The following CNTNAP2 variants were observed in gnomAD, a reference collection of about 807,000 sequenced individuals.
CNTNAP2 encodes the protein contactin-associated protein-like 2.
A neutral mutation model predicts 155.2 loss-of-function variants in CNTNAP2; 98 were observed. That is an observed-to-expected ratio of 0.63 (90% CI 0.54 to 0.75). CNTNAP2 has a LOEUF of 0.75. Ranked by LOEUF, CNTNAP2 falls within the 30% of genes least tolerant of loss-of-function variation. CNTNAP2 has a pLI of 0.00. For missense variants in CNTNAP2, 1,727 were observed against 1,688.1 expected (o/e 1.02, Z -0.40); for synonymous variants, 651 against 631.2 (o/e 1.03, Z -0.47).
chr7:147,025,267 C>G (rs1015183254), intron 3 of CNTNAP2, among the ~76,000 whole-genome samples: 2 of 123,218 alleles, frequency 1.6e-5, no homozygotes, highest in Non-Finnish European at 3.3e-5. Flanking sequence ...GCCCTGGAAA[C>G]AGAGTCAGAC....
intron 21 of CNTNAP2, among the ~76,000 whole-genome samples, chr7:148,368,914 C>G (rs1250247438): frequency 6.6e-6 from 1 of 152,112 alleles, no homozygotes; most frequent in African/African-American, 2.4e-5. Flanking sequence ...ATTTTAACTA[C>G]CAGGCTTAGG....
intron 12 of CNTNAP2, among the ~76,000 whole-genome samples, chr7:147,636,086 G>C (rs1267019577): frequency 2.0e-5 from 3 of 152,184 alleles, no homozygotes; most frequent in Non-Finnish European, 4.4e-5. Flanking sequence ...GAAAGTGACA[G>C]AATTACTAAA....
In CNTNAP2 at chr7:146,392,317, T is replaced by C. The variant is rs139284596; in HGVS notation, c.97+275344T>C. On this transcript the variant is annotated intron_variant, in intron 1 of 23. Coordinates refer to ENST00000361727, the MANE Select transcript of CNTNAP2 (RefSeq NM_014141.6). The stretch of plus-strand genomic sequence containing the variant: ...ATCTTCATAATGATCAATGATGTAA[T>C]ATCATTGAGAAGTATCAGAAAGTAG... 7.8e-3 allele frequency among the ~76,000 whole-genome samples: 1,187 copies of C among 152,208 alleles called. 15 individuals are homozygous for C. The highest frequency in any genetic ancestry group is 0.027 in the African/African-American group (1,103 of 41,520).
At chr7:146,516,005 T>C (rs570865653) in intron 1 of CNTNAP2, among the ~76,000 whole-genome samples, 11 of 152,216 alleles carry the variant, frequency 7.2e-5, no homozygotes, top group Non-Finnish European at 1.3e-4. Context: ...TGAATCACCT[T>C]CTACGATAGC....
chr7:148,042,592 C>T (rs908603791), intron 15 of CNTNAP2, among the ~76,000 whole-genome samples: 4 of 152,178 alleles, frequency 2.6e-5, no homozygotes, highest in African/African-American at 9.7e-5. Flanking sequence ...TTTTTCCTCT[C>T]TGTTTTGTTC....
intron 3 of CNTNAP2, among the ~76,000 whole-genome samples, chr7:146,863,216 A>G (rs1795139351): frequency 6.6e-6 from 1 of 152,200 alleles, no homozygotes. Context: ...AATAGTAGGC[A>G]TTTATGACTG....
intron 1 of CNTNAP2, among the ~76,000 whole-genome samples, chr7:146,734,537 G>A (rs1801579072): frequency 6.6e-6 from 1 of 152,146 alleles, no homozygotes; most frequent in East Asian, 1.9e-4. Flanking sequence ...ACTGACTGTA[G>A]GTGTCACACA....
At chr7:146,234,816 A>T (rs1404635314) in intron 1 of CNTNAP2, among the ~76,000 whole-genome samples, 1 of 152,256 alleles carries the variant, frequency 6.6e-6, no homozygotes. Context: ...AAACTTTACC[A>T]GGTAGCACTG....
At chr7:146,298,664 G>A (rs150508299) in intron 1 of CNTNAP2, among the ~76,000 whole-genome samples, 1 of 152,154 alleles carries the variant, frequency 6.6e-6, no homozygotes, top group Admixed American at 6.5e-5. Context: ...GCCTCTGAAC[G>A]TTCGATCCAC....
At chr7:146,587,001 A>T (rs1406831086) in intron 1 of CNTNAP2, among the ~76,000 whole-genome samples, 2 of 151,756 alleles carry the variant, frequency 1.3e-5, no homozygotes, top group African/African-American at 4.8e-5. Flanking sequence ...CTTATTAAAT[A>T]TTATGGTACC....
At chr7:146,656,298 A>G (rs1216531553) in intron 1 of CNTNAP2, among the ~76,000 whole-genome samples, 1 of 152,220 alleles carries the variant, frequency 6.6e-6, no homozygotes, top group Admixed American at 6.5e-5. Context: ...GAACTAAGTA[A>G]AACTGTCTCT....
intron 8 of CNTNAP2, among the ~76,000 whole-genome samples, chr7:147,268,212 A>G (rs189453743): frequency 2.6e-5 from 4 of 152,340 alleles, no homozygotes; most frequent in Non-Finnish European, 5.9e-5. Context: ...CTAAAAATTT[A>G]AATGTATGTA....
chr7:146,906,850 C>G (rs1241164722), intron 3 of CNTNAP2, among the ~76,000 whole-genome samples: 1 of 149,926 alleles, frequency 6.7e-6, no homozygotes, highest in African/African-American at 2.4e-5. Flanking sequence ...GATCAAATTA[C>G]TCTGAGCTAC....
intron 1 of CNTNAP2, among the ~76,000 whole-genome samples, chr7:146,537,768 C>A (rs1355813937): frequency 2.0e-5 from 3 of 152,072 alleles, no homozygotes; most frequent in Admixed American, 2.0e-4. Context: ...GGTAGGCATT[C>A]ATTGGCCAGG....
At chr7:146,794,712 A>G (rs1299905898) in intron 2 of CNTNAP2, among the ~76,000 whole-genome samples, 1 of 152,228 alleles carries the variant, frequency 6.6e-6, no homozygotes, top group Non-Finnish European at 1.5e-5. Flanking sequence ...TAACTATGAT[A>G]CGAATGCTCC....
intron 15 of CNTNAP2, among the ~76,000 whole-genome samples, chr7:148,040,644 A>T (rs761905766): frequency 6.6e-6 from 1 of 152,266 alleles, no homozygotes; most frequent in Non-Finnish European, 1.5e-5. Context: ...ACATGCACAT[A>T]CACAAACACA....
intron 1 of CNTNAP2, among the ~76,000 whole-genome samples, chr7:146,395,086 C>T (rs564725048): frequency 2.0e-5 from 3 of 150,270 alleles, no homozygotes; most frequent in Admixed American, 1.3e-4. Flanking sequence ...TTCTTATGGC[C>T]GAGTAATATT....
chr7:146,987,366 A>C lies in CNTNAP2; in HGVS notation c.403-56541A>C, dbSNP rs112271596. On this transcript the variant is annotated intron_variant, in intron 3 of 23. Coordinates refer to ENST00000361727, the MANE Select transcript of CNTNAP2 (RefSeq NM_014141.6). Reference sequence around the variant, plus strand: ...TTAGTACTCACTGCACCCTACTTTTAGTCCTGCATAATGCACCTGTATTTT... The same window carrying C: ...TTAGTACTCACTGCACCCTACTTTTCGTCCTGCATAATGCACCTGTATTTT... Among the ~76,000 whole-genome samples, 589 of 152,276 alleles carry C rather than the reference A, an allele frequency of 3.9e-3. 2 individuals are homozygous for C. The highest frequency in any genetic ancestry group is 0.013 in the African/African-American group (543 of 41,566).
chr7:147,985,407 C>CTTTTTTTTTTTT (rs34093586), intron 15 of CNTNAP2, among the ~76,000 whole-genome samples: 1 of 108,068 alleles, frequency 9.3e-6, no homozygotes, highest in Non-Finnish European at 1.7e-5. Context: ...TATGTTTTTA[C>CTTTTTTTTTTTT]TTTTTTTTTT....
Sources: allele counts gnomAD v4.1 joint callset (sites outside exome capture counted in the v4.1 genomes callset), GRCh38; gene constraint gnomAD v4.1.1; transcripts MANE v1.5; gene names NCBI Gene and HGNC (gene_info 2026-07-23, HGNC 2026-07-21).